The following KCNB2 variants were observed in gnomAD, a reference collection of about 807,000 sequenced individuals.
KCNB2 encodes the protein potassium voltage-gated channel subfamily B member 2, also known as delayed rectifier potassium channel protein.
Under a neutral mutation model 61.5 loss-of-function variants are expected in KCNB2, and 15 were observed. That is an observed-to-expected ratio of 0.24 (90% CI 0.16 to 0.38). The LOEUF is 0.38. Ranked by LOEUF, KCNB2 falls within the 10% of genes least tolerant of loss-of-function variation. The pLI, the probability that KCNB2 is intolerant of heterozygous loss-of-function variation, is 1.00. For missense variants in KCNB2, 828 were observed against 1,125.2 expected (o/e 0.74, Z 3.78); for synonymous variants, 457 against 446.0 (o/e 1.02, Z -0.31).
intron 2 of KCNB2, among the ~76,000 whole-genome samples, chr8:72,775,412 C>T (rs1808633075): frequency 6.6e-6 from 1 of 152,174 alleles, no homozygotes; most frequent in South Asian, 2.1e-4. Flanking sequence ...TAGAACATCG[C>T]AGAATGAGAA....
At chr8:72,911,491 G>A (rs896567401) in intron 2 of KCNB2, among the ~76,000 whole-genome samples, 7 of 152,232 alleles carry the variant, frequency 4.6e-5, no homozygotes, top group African/African-American at 1.7e-4. Flanking sequence ...GATAAGGGAA[G>A]TGAGGCACCA....
intron 2 of KCNB2, among the ~76,000 whole-genome samples, chr8:72,849,206 T>C (rs541668132): frequency 7.1e-6 from 1 of 140,002 alleles, no homozygotes; most frequent in South Asian, 2.2e-4. Flanking sequence ...TTTCATGTTC[T>C]TTTTAAATTT....
intron 2 of KCNB2, among the ~76,000 whole-genome samples, chr8:72,694,368 C>A (rs1806984994): frequency 6.6e-6 from 1 of 152,124 alleles, no homozygotes. Context: ...TTCAGAAATA[C>A]CAGAGTTTAT....
chr8:72,901,488 A>G (rs1427476654), intron 2 of KCNB2, among the ~76,000 whole-genome samples: 1 of 152,192 alleles, frequency 6.6e-6, no homozygotes, highest in East Asian at 1.9e-4. Context: ...GTACATTATG[A>G]CTTTCTTCTA....
chr8:72,921,771 AT>A (rs1806525233), intron 2 of KCNB2, among the ~76,000 whole-genome samples: 1 of 152,148 alleles, frequency 6.6e-6, no homozygotes, highest in South Asian at 2.1e-4. Flanking sequence ...TTAATTACCT[AT>A]TTAACAAATC....
At chr8:72,781,194 T>A (rs1808747890) in intron 2 of KCNB2, among the ~76,000 whole-genome samples, 1 of 152,216 alleles carries the variant, frequency 6.6e-6, no homozygotes, top group Admixed American at 6.5e-5. Context: ...TAGTTTCTTT[T>A]GCTGTGCAGG....
chr8:72,845,577 G>A (rs1185031820), intron 2 of KCNB2, among the ~76,000 whole-genome samples: 1 of 152,218 alleles, frequency 6.6e-6, no homozygotes, highest in East Asian at 1.9e-4. Flanking sequence ...CAGGGAGATG[G>A]GCATTTTATC....
rs897992855 is a variant in KCNB2, at chr8:72,938,198, C to CA, written c.*114dup. The CA allele has an allele frequency of 8.4e-6, 7 of 832,066 alleles. No homozygotes were observed. Among genetic ancestry groups the CA allele is most frequent in the South Asian group, 5.3e-5 (3 of 56,938 alleles). 51.5% of individuals were successfully genotyped at this position (832,066 alleles called of 1,614,324 possible). A position where few individuals can be genotyped will look rare whatever the true frequency, so the allele number is the denominator to read the frequency against. On this transcript the variant is annotated 3_prime_UTR_variant, in exon 3 of 3. Coordinates refer to ENST00000523207, the MANE Select transcript of KCNB2 (RefSeq NM_004770.3). The stretch of plus-strand genomic sequence containing the variant: ...AACTAAAAAAATGGGAAGCCCTCCC[C>CA]AAAAAAAGTGCATAAAATGTTATTT...
At chr8:72,704,675 G>A in intron 2 of KCNB2, among the ~76,000 whole-genome samples, 1 of 152,048 alleles carries the variant, frequency 6.6e-6, no homozygotes, top group Non-Finnish European at 1.5e-5. Context: ...GATAAATCAG[G>A]AGTTACTGTC....
intron 2 of KCNB2, among the ~76,000 whole-genome samples, chr8:72,608,872 C>G (rs1471387798): frequency 6.6e-6 from 1 of 152,128 alleles, no homozygotes; most frequent in African/African-American, 2.4e-5. Flanking sequence ...CACCAGTTAT[C>G]ATATTGATGT....
intron 2 of KCNB2, among the ~76,000 whole-genome samples, chr8:72,586,820 C>T (rs138032658): frequency 7.2e-5 from 11 of 152,284 alleles, no homozygotes; most frequent in African/African-American, 2.6e-4. Context: ...AATCCAACCA[C>T]ATCACATTTT....
intron 2 of KCNB2, among the ~76,000 whole-genome samples, chr8:72,580,606 A>G (rs1806876147): frequency 6.6e-6 from 1 of 152,194 alleles, no homozygotes; most frequent in African/African-American, 2.4e-5. Context: ...CATATGGATA[A>G]AACTAGTCTG....
chr8:72,643,262 G>A (rs1806082659), intron 2 of KCNB2, among the ~76,000 whole-genome samples: 1 of 152,170 alleles, frequency 6.6e-6, no homozygotes, highest in East Asian at 1.9e-4. Flanking sequence ...CTTCTCGTAT[G>A]TGCCAGGCCC....
chr8:72,638,900 T>C (rs565977410), intron 2 of KCNB2, among the ~76,000 whole-genome samples: 17 of 152,268 alleles, frequency 1.1e-4, no homozygotes, highest in Admixed American at 5.2e-4. Flanking sequence ...ACAGGATAGA[T>C]GCCTGAAGGA....
chr8:72,679,382 C>A (rs1223262335), intron 2 of KCNB2, among the ~76,000 whole-genome samples: 1 of 152,164 alleles, frequency 6.6e-6, no homozygotes, highest in Non-Finnish European at 1.5e-5. Flanking sequence ...CTGGCAAGAG[C>A]CTTTCATCAC....
At chr8:72,807,950 G>A (rs558728161) in intron 2 of KCNB2, among the ~76,000 whole-genome samples, 8 of 152,246 alleles carry the variant, frequency 5.3e-5, no homozygotes, top group African/African-American at 1.9e-4. Context: ...AAACAGAAGG[G>A]CAAAGCCAGT....
At chr8:72,742,679 C>T (rs1191848948) in intron 2 of KCNB2, among the ~76,000 whole-genome samples, 1 of 152,178 alleles carries the variant, frequency 6.6e-6, no homozygotes, top group Non-Finnish European at 1.5e-5. Flanking sequence ...TTCCTGTCCT[C>T]CTGTGCGTGG....
chr8:72,895,013 C>A (rs370643005), intron 2 of KCNB2, among the ~76,000 whole-genome samples: 4 of 152,118 alleles, frequency 2.6e-5, no homozygotes, highest in Non-Finnish European at 5.9e-5. Context: ...GGACCCTCCC[C>A]CTAAGGCCCT....
rs186270300 is a variant in KCNB2 at position 72,764,530 on chromosome 8, G to A, written c.580-171405G>A. ...GGAAACAGGCAGTGCCATCCACTTG[G>A]CATCCAGTTCTAAGTAGAGTCTATC... On this transcript the variant is annotated intron_variant, in intron 2 of 2. Transcript: ENST00000523207. Among the ~76,000 whole-genome samples, 387 of 152,290 alleles carry A rather than the reference G, an allele frequency of 2.5e-3. 2 individuals carry two copies. The highest frequency in any genetic ancestry group is 8.5e-3 in the African/African-American group (352 of 41,556).
Sources: allele counts gnomAD v4.1 joint callset (sites outside exome capture counted in the v4.1 genomes callset), GRCh38; gene constraint gnomAD v4.1.1; transcripts MANE v1.5; gene names NCBI Gene and HGNC (gene_info 2026-07-23, HGNC 2026-07-21).